ABHD18: variants seen among roughly 807,000 people sequenced by gnomAD.
ABHD18 encodes abhydrolase domain containing 18.
ABHD18 carries 55 observed loss-of-function variants against 65.9 expected under a neutral mutation model. That is an observed-to-expected ratio of 0.84 (90% confidence interval 0.67 to 1.05). The LOEUF (loss-of-function observed/expected upper bound fraction) is 1.05, where lower values mean the gene tolerates loss of function less well. Ranked by LOEUF, ABHD18 falls within the 50% of genes least tolerant of loss-of-function variation. The pLI is 0.00. For missense variants in ABHD18, 533 were observed against 558.5 expected (o/e 0.95, Z 0.46); for synonymous variants, 181 against 180.2 (o/e 1.00, Z -0.04).
chr4:127,998,162 T>A (rs1752053105), intron 4 of ABHD18, among the ~76,000 whole-genome samples: 1 of 152,066 alleles, frequency 6.6e-6, no homozygotes, highest in Admixed American at 6.6e-5. Flanking sequence ...GTGCTGGGAT[T>A]ATAGGCATGA....
intron 9 of ABHD18, 26 bp from the exon 10 acceptor site, chr4:128,021,111 G>T: frequency 7.1e-7 from 1 of 1,402,864 alleles, no homozygotes; most frequent in Admixed American, 2.0e-5. Context: ...GATGTGGTTT[G>T]ATCTTAATTT....
At chr4:128,003,278 G>T (rs966950228) in intron 4 of ABHD18, among the ~76,000 whole-genome samples, 1 of 151,452 alleles carries the variant, frequency 6.6e-6, no homozygotes, top group Admixed American at 6.6e-5. Context: ...TGAGGCAGGA[G>T]AATCACTTGA....
chr4:128,033,646 A>C (rs976356080), intron 12 of ABHD18, among the ~76,000 whole-genome samples: 3 of 145,072 alleles, frequency 2.1e-5, no homozygotes, highest in Non-Finnish European at 4.5e-5. Context: ...CGGCATTCTC[A>C]TGCCTCAGCC....
chr4:127,980,183 T>G (rs1423827952), intron 1 of ABHD18, among the ~76,000 whole-genome samples: 1 of 152,166 alleles, frequency 6.6e-6, no homozygotes, highest in Admixed American at 6.6e-5. Context: ...ATGGATGGAT[T>G]AATGGTATTA....
At chr4:127,974,760 G>T (rs1234133903) in intron 1 of ABHD18, among the ~76,000 whole-genome samples, 2 of 151,738 alleles carry the variant, frequency 1.3e-5, no homozygotes, top group Non-Finnish European at 2.9e-5. Context: ...GGCTGAGGAG[G>T]GTAGAGGGTG....
chr4:127,976,774 G>C (rs974842912), intron 1 of ABHD18, among the ~76,000 whole-genome samples: 1 of 152,160 alleles, frequency 6.6e-6, no homozygotes, highest in African/African-American at 2.4e-5. Context: ...AGGCGCTGTG[G>C]CTCACGTCCG....
chr4:128,026,792 T>C (rs1221015899), intron 10 of ABHD18, among the ~76,000 whole-genome samples: 1 of 150,662 alleles, frequency 6.6e-6, no homozygotes, highest in Non-Finnish European at 1.5e-5. Flanking sequence ...TCTTTTTCTT[T>C]TTTTTTTTTT....
chr4:127,969,347 GC>G (rs1746287974), intron 1 of ABHD18, among the ~76,000 whole-genome samples: 2 of 151,696 alleles, frequency 1.3e-5, no homozygotes. Flanking sequence ...GATTACAGGT[GC>G]CCACCATCAC....
intron 12 of ABHD18, chr4:128,031,153 C>T (rs1231617154): frequency 4.1e-6 from 4 of 985,226 alleles, no homozygotes; most frequent in Non-Finnish European, 4.8e-6. Context: ...TTAGTTAGAA[C>T]TTATAAAAAC....
At position 128,022,769 on chromosome 4, in the gene ABHD18, CT is replaced by C. The variant is rs1234304858; in HGVS notation, c.801+1547del. Among the ~76,000 whole-genome samples the C allele has an allele frequency of 1.8e-3, 241 of 130,938 alleles. 1 individual carries two copies. The highest frequency in any genetic ancestry group is 0.014 in the South Asian group (55 of 3,988). 85.9% of individuals were successfully genotyped at this position (130,938 alleles called of 152,430 possible). A position where few individuals can be genotyped will look rare whatever the true frequency, so the allele number is the denominator to read the frequency against. On this transcript the variant is annotated intron_variant, in intron 10 of 12. Coordinates refer to ENST00000645843, the MANE Select transcript of ABHD18 (RefSeq NM_001358451.3). ...CTCTTCAAAAGTGACCGATCCTTTT[CT>C]TTTTTTTTTTTTTTTCTCTGTCTTG...
intron 12 of ABHD18, among the ~76,000 whole-genome samples, chr4:128,034,683 C>T (rs1255968086): frequency 2.0e-5 from 3 of 151,578 alleles, no homozygotes; most frequent in African/African-American, 7.3e-5. Flanking sequence ...CAGAGTTTCG[C>T]TCTTGTTGCC....
intron 7 of ABHD18, among the ~76,000 whole-genome samples, chr4:128,014,792 A>C (rs957333962): frequency 5.9e-5 from 9 of 151,976 alleles, no homozygotes; most frequent in African/African-American, 1.9e-4. Flanking sequence ...CCTAAAAAAA[A>C]AAATGGCCAG....
rs1755678048 is a variant in ABHD18 at position 128,017,305 on chromosome 4, A to G, written c.471-58A>G. Reference sequence around the variant, plus strand: ...GTCTGGCAGCCTGTTGTAAATTTGCATATATTAGCATGTAAATACATAAAA... The same window carrying G: ...GTCTGGCAGCCTGTTGTAAATTTGCGTATATTAGCATGTAAATACATAAAA... On this transcript the variant is annotated intron_variant, in intron 7 of 12. Transcript: ENST00000645843. 6 of 1,531,152 alleles carry G rather than the reference A, an allele frequency of 3.9e-6. No individual in the cohort carries two copies. The African/African-American group carries it at 4.1e-5, about 11-fold the overall frequency. 94.8% of individuals were successfully genotyped at this position (1,531,152 alleles called of 1,614,324 possible). A position where few individuals can be genotyped will look rare whatever the true frequency, so the allele number is the denominator to read the frequency against.
Position 127,989,640 on chromosome 4 carries a change from A to T in ABHD18, c.178-81A>T, listed in dbSNP as rs536879937. ...GAAAACATGATTTTAATTGGATAGA[A>T]CTTTTTATTAGAAGAACATCCATGA... is the stretch of plus-strand genomic sequence containing the variant. On this transcript the variant is annotated intron_variant, in intron 3 of 12. Transcript: ENST00000645843. The T allele has an allele frequency of 4.7e-4, 413 of 881,816 alleles. 3 individuals carry two copies. In the African/African-American group the frequency reaches 6.6e-3, roughly 14 times the overall value. 54.6% of individuals were successfully genotyped at this position (881,816 alleles called of 1,614,324 possible).
chr4:128,015,518 T>G (rs987382491), intron 7 of ABHD18, among the ~76,000 whole-genome samples: 2 of 152,096 alleles, frequency 1.3e-5, no homozygotes, highest in Non-Finnish European at 2.9e-5. Context: ...GAAAAATGAC[T>G]TGAGGATAGG....
intron 11 of ABHD18, 57 bp from the exon 12 acceptor site, chr4:128,030,453 T>A: frequency 8.2e-7 from 1 of 1,220,924 alleles, no homozygotes; most frequent in East Asian, 2.8e-5. Context: ...CTGCATTGTG[T>A]GGGTTTTTTT....
intron 12 of ABHD18, among the ~76,000 whole-genome samples, chr4:128,034,174 G>C (rs1386854757): frequency 6.6e-6 from 1 of 151,774 alleles, no homozygotes; most frequent in Non-Finnish European, 1.5e-5. Flanking sequence ...GGCCAGGCTG[G>C]TCTCGAACTC....
At chr4:128,015,979 G>T (rs1406567252) in intron 7 of ABHD18, among the ~76,000 whole-genome samples, 2 of 139,774 alleles carry the variant, frequency 1.4e-5, no homozygotes, top group South Asian at 2.2e-4. Flanking sequence ...TTGAGATGGA[G>T]CCTCACTCTG....
At chr4:127,993,141 T>G (rs1044302701) in intron 4 of ABHD18, among the ~76,000 whole-genome samples, 14 of 152,112 alleles carry the variant, frequency 9.2e-5, no homozygotes, top group African/African-American at 3.4e-4. Context: ...CTAAAGGATA[T>G]AGAAGGAAAA....
Sources: gnomAD v4.1 joint callset for allele counts (sites outside exome capture counted in the v4.1 genomes callset) on GRCh38, gnomAD v4.1.1 for gene constraint, MANE v1.5 for transcripts, NCBI Gene and HGNC (gene_info 2026-07-23, HGNC 2026-07-21) for gene names.